Variants in TLN2 observed in about 807,000 individuals in gnomAD.
The protein encoded by TLN2 is talin-2.
In TLN2, 118 loss-of-function variants were observed where a neutral mutation model predicts 294.7. The ratio of observed to expected loss-of-function variants is 0.40; its 90% CI spans 0.34 to 0.47. The LOEUF (loss-of-function observed/expected upper bound fraction) is 0.47, where lower values mean the gene tolerates loss of function less well. TLN2 is among the 20% of genes least tolerant of loss of function. TLN2 has a pLI of 0.84. For synonymous variants in TLN2, 1,431 were observed against 1,304.5 expected (o/e 1.10, Z -2.09); for missense variants, 3,083 against 3,282.2 (o/e 0.94, Z 1.48).
intron 1 of TLN2, among the ~76,000 whole-genome samples, chr15:62,458,368 G>A (rs755743075): frequency 3.0e-4 from 46 of 152,128 alleles, no homozygotes; most frequent in Non-Finnish European, 4.1e-4. Context: ...TCACATTGGC[G>A]ACTTGGCTCC....
Position 62,810,040 on chromosome 15 carries a change from A to C in TLN2, c.6771+8A>C, listed in dbSNP as rs759303907. ...CTGGAGCACGTCTTGGTGGTAAGAA[A>C]GCGCATGAGTCAGGGCTGGGGAGTA... On this transcript the variant is annotated splice_region_variant and intron_variant, in intron 52 of 58. Coordinates refer to ENST00000636159, the MANE Select transcript of TLN2 (RefSeq NM_015059.3). 1 of 1,611,642 alleles carries C rather than the reference A, an allele frequency of 6.2e-7. No homozygotes were observed. Among genetic ancestry groups the C allele is most frequent in the South Asian group, 1.1e-5 (1 of 90,956 alleles).
At chr15:62,811,594 C>T (rs1248253943) in intron 52 of TLN2, among the ~76,000 whole-genome samples, 2 of 152,200 alleles carry the variant, frequency 1.3e-5, no homozygotes, top group African/African-American at 4.8e-5. Flanking sequence ...ACCTAAGTAG[C>T]TACATGGCCA....
At chr15:62,741,748 C>CGCGCGCATGTGTGTGTGTGTGTGT in intron 32 of TLN2, among the ~76,000 whole-genome samples, 1 of 131,072 alleles carries the variant, frequency 7.6e-6, no homozygotes, top group Non-Finnish European at 1.6e-5. Context: ...AAAATTTGCG[C>CGCGCGCATGTGTGTGTGTGTGTGT]GTGTGTGTGT....
chr15:62,414,516 A>C (rs111364306), intron 1 of TLN2, among the ~76,000 whole-genome samples: 2,922 of 139,958 alleles, frequency 0.021, 374 homozygotes, highest in African/African-American at 0.071. Flanking sequence ...TCACCCCCAA[A>C]CTACTGAACC....
At chr15:62,578,711 G>T (rs1432573290) in intron 1 of TLN2, among the ~76,000 whole-genome samples, 1 of 152,144 alleles carries the variant, frequency 6.6e-6, no homozygotes, top group Admixed American at 6.5e-5. Context: ...GTGGGGAGGG[G>T]GGTAAAGTCC....
At chr15:62,796,902 A>G (rs992923374) in intron 47 of TLN2, among the ~76,000 whole-genome samples, 1 of 152,156 alleles carries the variant, frequency 6.6e-6, no homozygotes, top group African/African-American at 2.4e-5. Flanking sequence ...GGACAGTGGG[A>G]GTCACAGAAA....
chr15:62,542,096 T>C (rs1047893910), intron 1 of TLN2, among the ~76,000 whole-genome samples: 1 of 152,190 alleles, frequency 6.6e-6, no homozygotes, highest in Non-Finnish European at 1.5e-5. Context: ...TGTAAGATAA[T>C]CCTTTTGAAG....
chr15:62,682,805 G>A (rs2056952074), intron 11 of TLN2: 1 of 152,046 alleles, frequency 6.6e-6, no homozygotes. Context: ...AGAAAATCAC[G>A]TGTAACCCTT....
intron 21 of TLN2, among the ~76,000 whole-genome samples, chr15:62,711,199 G>T (rs1034706118): frequency 6.6e-6 from 1 of 152,126 alleles, no homozygotes; most frequent in South Asian, 2.1e-4. Context: ...GATTTGAATC[G>T]TTCTATTTTT....
intron 28 of TLN2, among the ~76,000 whole-genome samples, chr15:62,731,677 T>C (rs992013709): frequency 1.3e-5 from 2 of 152,226 alleles, no homozygotes; most frequent in Admixed American, 6.5e-5. Flanking sequence ...GGCAATAGGT[T>C]ACAAATTAGG....
intron 2 of TLN2, 69 bp from the exon 3 acceptor site, chr15:62,618,282 C>G (rs187330695): frequency 1.3e-5 from 2 of 152,302 alleles, no homozygotes; most frequent in African/African-American, 4.8e-5. Flanking sequence ...TGACTGTTTT[C>G]TGGTACAAGA....
chr15:62,673,548 C>CTA lies in TLN2; in HGVS notation c.789-274_789-273dup, dbSNP rs569616343. ...TTTGTTTCTTACAAAAGATAGCATA[C>CTA]TATATACTCTTGTGCTCTTTTTTTT... On this transcript the variant is annotated intron_variant, in intron 9 of 58. Transcript: ENST00000636159. Among the ~76,000 whole-genome samples, 72 of 96,708 alleles carry CTA rather than the reference C, an allele frequency of 7.4e-4. 3 individuals are homozygous for CTA. In the South Asian group the frequency reaches 0.033, roughly 44 times the overall value. The allele number at this position is 96,708 out of a possible 152,430, so 63.4% of individuals were successfully genotyped here. A position where few individuals can be genotyped will look rare whatever the true frequency, so the allele number is the denominator to read the frequency against.
At chr15:62,720,032 AGGAGAGGTG>A (rs1396391148) in intron 25 of TLN2, 152 bp downstream of exon 25, 7 of 529,630 alleles carry the variant, frequency 1.3e-5, no homozygotes, top group Non-Finnish European at 2.1e-5. Context: ...TTCCAGTTTC[AGGAGAGGTG>A]GGTTCAGCTT....
intron 22 of TLN2, among the ~76,000 whole-genome samples, chr15:62,713,325 C>G (rs2059550151): frequency 6.6e-6 from 1 of 150,422 alleles, no homozygotes; most frequent in Non-Finnish European, 1.5e-5. Context: ...CCACATCTTA[C>G]CTCATCTCCC....
chr15:62,667,539 C>T (rs918462361), intron 9 of TLN2, among the ~76,000 whole-genome samples: 1 of 152,154 alleles, frequency 6.6e-6, no homozygotes, highest in Non-Finnish European at 1.5e-5. Flanking sequence ...CCTCCGCTCT[C>T]ACAAATGAGG....
rs1238133441 is a variant in TLN2, at chr15:62,450,543, ATGTATG to A, written c.-238+59862_-238+59867del. Among the ~76,000 whole-genome samples, 371 of 55,152 alleles carry A rather than the reference ATGTATG, an allele frequency of 6.7e-3. 1 individual carries two copies. The highest frequency in any genetic ancestry group is 0.022 in the African/African-American group (355 of 16,442). The allele number at this position is 55,152 out of a possible 152,430, so 36.2% of individuals were successfully genotyped here. A position where few individuals can be genotyped will look rare whatever the true frequency, so the allele number is the denominator to read the frequency against. On this transcript the variant is annotated intron_variant, in intron 1 of 58. Coordinates refer to ENST00000636159, the MANE Select transcript of TLN2 (RefSeq NM_015059.3). ...TATGTATGTATGTATGTATGTATGT[ATGTATG>A]TGTGTGTGTGTGTGTGTGTGTGTGT...
intron 19 of TLN2, among the ~76,000 whole-genome samples, chr15:62,703,643 A>G (rs1232401941): frequency 1.4e-5 from 2 of 144,314 alleles, no homozygotes; most frequent in African/African-American, 5.2e-5. Flanking sequence ...ACACACACAC[A>G]CACACACAGA....
chr15:62,748,489 CTGTGTCTG>C lies in TLN2; in HGVS notation c.4119+63_4119+70del, dbSNP rs372816910. On this transcript the variant is annotated intron_variant, in intron 33 of 58. Coordinates refer to ENST00000636159, the MANE Select transcript of TLN2 (RefSeq NM_015059.3). ...GCTGAGGACTTGAGAGAGGGAGTGT[CTGTGTCTG>C]TGTGTCTGTGTGTCTGTCTGTCTAT... 7.5e-4 allele frequency: 1,059 copies of C among 1,417,004 alleles called. 2 individuals are homozygous for C. Among genetic ancestry groups the C allele is most frequent in the Middle Eastern group, 3.5e-3 (16 of 4,624 alleles). 87.8% of individuals were successfully genotyped at this position (1,417,004 alleles called of 1,614,324 possible).
At chr15:62,414,162 A>T (rs1440019267) in intron 1 of TLN2, among the ~76,000 whole-genome samples, 5 of 62,336 alleles carry the variant, frequency 8.0e-5, no homozygotes, top group Admixed American at 2.8e-4. Flanking sequence ...CAAAAAAAAA[A>T]ACTATATATA....
Sources: allele counts gnomAD v4.1 joint callset (sites outside exome capture counted in the v4.1 genomes callset), GRCh38; gene constraint gnomAD v4.1.1; transcripts MANE v1.5; gene names NCBI Gene and HGNC (gene_info 2026-07-23, HGNC 2026-07-21).